GPHN: variants seen among roughly 807,000 people sequenced by gnomAD.
GPHN encodes the protein gephyrin.
Under a neutral mutation model 95.5 loss-of-function variants are expected in GPHN, and 17 were observed. That is an observed-to-expected ratio of 0.18 (90% CI 0.12 to 0.27). The LOEUF (loss-of-function observed/expected upper bound fraction) is 0.27. GPHN is among the 10% of genes least tolerant of loss of function. The pLI is 1.00. For synonymous variants in GPHN, 320 were observed against 322.5 expected (o/e 0.99, Z 0.08); for missense variants, 660 against 978.1 (o/e 0.67, Z 4.34).
At position 66,508,477 on chromosome 14, in the gene GPHN, G is replaced by C; in HGVS notation, c.-51G>C. 6.3e-7 allele frequency: 1 copy of C among 1,576,090 alleles called. No homozygotes were observed. Among genetic ancestry groups the C allele is most frequent in the Non-Finnish European group, 8.7e-7 (1 of 1,145,616 alleles). On this transcript the variant is annotated 5_prime_UTR_variant, in exon 1 of 23. Coordinates refer to ENST00000478722, the MANE Select transcript of GPHN (RefSeq NM_020806.5). ...AGCGCGCTCCCGGCCCGCGCGCTCC[G>C]GGCTCCGGTTTCTCCCGGCTCCTGT...
At chr14:67,124,683 G>T (rs2079195904) in intron 17 of GPHN, among the ~76,000 whole-genome samples, 1 of 152,082 alleles carries the variant, frequency 6.6e-6, no homozygotes, top group Non-Finnish European at 1.5e-5. Flanking sequence ...CCTACCAATG[G>T]CTCTGGCCCT....
chr14:67,733,913 A>G, the GPHN span: 1 of 1,211,904 alleles, frequency 8.3e-7, no homozygotes, highest in Non-Finnish European at 1.2e-6. Flanking sequence ...ACCAAGGAGA[A>G]GGCCAACCCT....
the GPHN span, among the ~76,000 whole-genome samples, chr14:67,329,101 C>T: frequency 6.6e-6 from 1 of 152,140 alleles, no homozygotes; most frequent in Non-Finnish European, 1.5e-5. Flanking sequence ...TGATTCTTCC[C>T]ATCCATGAGC....
chr14:67,115,687 A>T (rs2078645595), intron 16 of GPHN, among the ~76,000 whole-genome samples: 1 of 151,952 alleles, frequency 6.6e-6, no homozygotes, highest in Non-Finnish European at 1.5e-5. Flanking sequence ...GTGAGCTGAG[A>T]TCGTGCCACG....
intron 1 of GPHN, among the ~76,000 whole-genome samples, chr14:66,590,957 C>T (rs1316025845): frequency 2.0e-5 from 3 of 152,134 alleles, no homozygotes; most frequent in Non-Finnish European, 4.4e-5. Context: ...TCTTATCCAC[C>T]ATAATCAAGT....
chr14:66,571,215 G>A (rs2140363174), intron 1 of GPHN, among the ~76,000 whole-genome samples: 1 of 152,252 alleles, frequency 6.6e-6, no homozygotes, highest in South Asian at 2.1e-4. Flanking sequence ...AGCGAAGAGA[G>A]GGTGAAGTGG....
chr14:67,115,357 T>C (rs1014466758), intron 16 of GPHN, among the ~76,000 whole-genome samples: 1 of 152,050 alleles, frequency 6.6e-6, no homozygotes, highest in Non-Finnish European at 1.5e-5. Flanking sequence ...GCAAAAGAAA[T>C]TGCACTTAAT....
intron 5 of GPHN, among the ~76,000 whole-genome samples, chr14:66,889,312 T>G (rs1385838124): frequency 1.3e-5 from 2 of 152,162 alleles, no homozygotes; most frequent in African/African-American, 2.4e-5. Flanking sequence ...GAAGTACACA[T>G]GGGACATTCT....
intron 2 of GPHN, among the ~76,000 whole-genome samples, chr14:66,759,317 G>C (rs763306412): frequency 3.3e-5 from 5 of 152,150 alleles, no homozygotes; most frequent in Non-Finnish European, 5.9e-5. Context: ...GGACTGTGTA[G>C]ACAAGGTATG....
At chr14:67,396,177 T>G in the GPHN span, among the ~76,000 whole-genome samples, 2 of 151,918 alleles carry the variant, frequency 1.3e-5, no homozygotes, top group African/African-American at 2.4e-5. Flanking sequence ...AGACGGAGTC[T>G]TGCTCTGTCG....
chr14:66,794,726 T>C (rs1356436840), intron 3 of GPHN, among the ~76,000 whole-genome samples: 2 of 152,210 alleles, frequency 1.3e-5, no homozygotes, highest in African/African-American at 4.8e-5. Flanking sequence ...TTGTCTACTT[T>C]GGTAATTATT....
intron 4 of GPHN, among the ~76,000 whole-genome samples, chr14:66,845,635 G>T (rs2062290772): frequency 6.6e-6 from 1 of 152,106 alleles, no homozygotes; most frequent in South Asian, 2.1e-4. Context: ...AGGGAACCAG[G>T]TCATGTTTAG....
intron 21 of GPHN, among the ~76,000 whole-genome samples, chr14:67,173,725 G>A (rs934531244): frequency 3.9e-5 from 6 of 152,056 alleles, no homozygotes; most frequent in African/African-American, 1.5e-4. Context: ...GAAAATCAAT[G>A]ACCTGCTGGA....
At chr14:66,587,633 C>G (rs1473143836) in intron 1 of GPHN, among the ~76,000 whole-genome samples, 3 of 152,108 alleles carry the variant, frequency 2.0e-5, no homozygotes, top group Admixed American at 6.5e-5. Context: ...ATATGGCTAT[C>G]TGAATAGATG....
At chr14:66,816,105 TCTAAATATC>T (rs1328653996) in intron 3 of GPHN, among the ~76,000 whole-genome samples, 1 of 152,034 alleles carries the variant, frequency 6.6e-6, no homozygotes, top group Non-Finnish European at 1.5e-5. Context: ...AACAAGAAGA[TCTAAATATC>T]CTAAATATAT....
chr14:67,585,651 T>C, the GPHN span: 1,474 of 1,559,068 alleles, frequency 9.5e-4, 11 homozygotes, highest in African/African-American at 0.016. Context: ...ACCACAACAC[T>C]ATGGTATGAA....
chr14:67,533,116 C>T, the GPHN span, among the ~76,000 whole-genome samples: 14 of 152,202 alleles, frequency 9.2e-5, no homozygotes, highest in African/African-American at 3.4e-4. Context: ...GCCCAGCGCT[C>T]TGCCTTTAAG....
chr14:67,362,221 T>C, the GPHN span, among the ~76,000 whole-genome samples: 1 of 151,944 alleles, frequency 6.6e-6, no homozygotes, highest in Non-Finnish European at 1.5e-5. Context: ...GGTTTCACCA[T>C]GTTGACCAGG....
chr14:67,161,345 C>T (rs555906572), intron 19 of GPHN, among the ~76,000 whole-genome samples: 2 of 149,670 alleles, frequency 1.3e-5, no homozygotes, highest in South Asian at 2.1e-4. Flanking sequence ...TTGTCTTACG[C>T]AAATATTGTT....
Sources: gnomAD v4.1 joint callset for allele counts (sites outside exome capture counted in the v4.1 genomes callset) on GRCh38, gnomAD v4.1.1 for gene constraint, MANE v1.5 for transcripts, NCBI Gene and HGNC (gene_info 2026-07-23, HGNC 2026-07-21) for gene names.